Variants in STARD6 observed in about 807,000 individuals in gnomAD.
STARD6 encodes the protein StAR related lipid transfer domain containing 6, also known as stAR-related lipid transfer protein 6.
STARD6 carries 21 observed loss-of-function variants against 22.3 expected under a neutral mutation model. That is an observed-to-expected ratio of 0.94 (90% CI 0.67 to 1.35). The LOEUF (loss-of-function observed/expected upper bound fraction) is 1.35, where lower values mean the gene tolerates loss of function less well. STARD6 is among the 40% of genes most tolerant of loss of function. STARD6 has a pLI of 0.00. For missense variants in STARD6, 269 were observed against 266.9 expected, an observed-to-expected ratio of 1.01 and a Z score of -0.05; for synonymous variants, 80 against 88.1, an observed-to-expected ratio of 0.91 and a Z score of 0.52.
intron 4 of STARD6, among the ~76,000 whole-genome samples, chr18:54,346,788 G>C (rs1356683963): frequency 2.0e-5 from 3 of 152,106 alleles, no homozygotes; most frequent in South Asian, 4.1e-4. Context: ...AAAAGAATTT[G>C]TGAAAGAAGC....
At chr18:54,328,927 G>C (rs915475938) in intron 7 of STARD6, among the ~76,000 whole-genome samples, 4 of 152,014 alleles carry the variant, frequency 2.6e-5, no homozygotes, top group Admixed American at 6.6e-5. Flanking sequence ...GCTCTTAGTA[G>C]GTAGTCCATT....
At chr18:54,353,380 G>T (rs953929943) in intron 4 of STARD6, among the ~76,000 whole-genome samples, 1 of 152,190 alleles carries the variant, frequency 6.6e-6, no homozygotes, top group East Asian at 1.9e-4. Context: ...TTTAAAATGA[G>T]GAAGTAGGCT....
chr18:54,333,398 G>C (rs1306664291), intron 5 of STARD6, among the ~76,000 whole-genome samples: 2 of 152,086 alleles, frequency 1.3e-5, no homozygotes, highest in Admixed American at 1.3e-4. Context: ...GCAGTGAGCC[G>C]AGATTGTGCC....
chr18:54,340,171 T>C (rs1340043029), intron 4 of STARD6, among the ~76,000 whole-genome samples: 1 of 152,136 alleles, frequency 6.6e-6, no homozygotes, highest in African/African-American at 2.4e-5. Flanking sequence ...TTAAGTTCTT[T>C]AAAAGATACT....
intron 3 of STARD6, 134 bp downstream of exon 3, chr18:54,354,350 T>G (rs1042426010): frequency 1.3e-6 from 1 of 762,676 alleles, no homozygotes; most frequent in Admixed American, 2.8e-5. Context: ...TGTGTTAGCC[T>G]CCTGAGTAGC....
intron 4 of STARD6, among the ~76,000 whole-genome samples, chr18:54,338,816 G>A (rs976470835): frequency 2.0e-5 from 3 of 151,828 alleles, no homozygotes; most frequent in African/African-American, 7.3e-5. Context: ...TTGGGAGGCC[G>A]AGGCAGGCAG....
intron 4 of STARD6, among the ~76,000 whole-genome samples, chr18:54,345,421 C>A (rs1303426927): frequency 1.3e-5 from 2 of 152,018 alleles, no homozygotes; most frequent in Non-Finnish European, 2.9e-5. Flanking sequence ...TTGAGAAGCT[C>A]AAAATAAACA....
intron 4 of STARD6, 164 bp downstream of exon 4, chr18:54,353,890 G>A: frequency 2.3e-6 from 1 of 439,712 alleles, no homozygotes; most frequent in Non-Finnish European, 4.0e-6. Context: ...GATGGTATCT[G>A]ATTGCTGTAT....
chr18:54,337,352 AG>A, intron 4 of STARD6, 101 bp from the exon 5 acceptor site: 1 of 1,080,524 alleles, frequency 9.3e-7, no homozygotes, highest in Non-Finnish European at 1.3e-6. Context: ...TTTAGCAAAC[AG>A]CAATGAAGAA....
chr18:54,343,422 GGGTCAGCCCCCTGCCC>G (rs1479308476), intron 4 of STARD6, among the ~76,000 whole-genome samples: 1 of 139,834 alleles, frequency 7.2e-6, no homozygotes, highest in Non-Finnish European at 1.6e-5. Context: ...GGAGGTGGGG[GGGTCAGCCCCCTGCCC>G]GGCCAGCCGC....
intron 7 of STARD6, among the ~76,000 whole-genome samples, chr18:54,328,888 A>G (rs1457866679): frequency 6.6e-6 from 1 of 152,136 alleles, no homozygotes; most frequent in Non-Finnish European, 1.5e-5. Flanking sequence ...ATCTGAATGT[A>G]CCTACTGGAT....
intron 7 of STARD6, among the ~76,000 whole-genome samples, chr18:54,327,802 A>G (rs1039413810): frequency 4.6e-5 from 7 of 151,948 alleles, no homozygotes; most frequent in African/African-American, 1.7e-4. Context: ...TTCTCTATGC[A>G]GGGTTTATAC....
At chr18:54,347,088 T>A (rs2089043667) in intron 4 of STARD6, among the ~76,000 whole-genome samples, 2 of 152,104 alleles carry the variant, frequency 1.3e-5, no homozygotes, top group South Asian at 4.1e-4. Flanking sequence ...TAAAAATGAA[T>A]TAGTTCCACA....
chr18:54,352,049 T>C (rs768495266), intron 4 of STARD6, among the ~76,000 whole-genome samples: 26 of 151,998 alleles, frequency 1.7e-4, no homozygotes, highest in Non-Finnish European at 2.9e-4. Context: ...CTGATAAAAT[T>C]CAGCTGTGAA....
Position 54,343,234 on chromosome 18 carries a change from C to T in STARD6, c.141-5983G>A, listed in dbSNP as rs1261643779. Among the ~76,000 whole-genome samples, 97 of 44,662 alleles carry T rather than the reference C, an allele frequency of 2.2e-3. No homozygotes were observed. The East Asian group carries it at 0.023, about 11-fold the overall frequency. 29.3% of individuals were successfully genotyped at this position (44,662 alleles called of 152,430 possible). ...GAGACCCTCTGCCTGGCAACCACCCCGTCTGAGAAGTGAGGAGCCCCTCCG... is the reference window on the plus strand; with the variant it reads ...GAGACCCTCTGCCTGGCAACCACCCTGTCTGAGAAGTGAGGAGCCCCTCCG... On this transcript the variant is annotated intron_variant, in intron 4 of 7. Transcript: ENST00000307844.
At chr18:54,325,663 TCA>T (rs1178582168) in intron 7 of STARD6, among the ~76,000 whole-genome samples, 1 of 152,060 alleles carries the variant, frequency 6.6e-6, no homozygotes, top group Non-Finnish European at 1.5e-5. Flanking sequence ...TTCTCCAGCC[TCA>T]GTCTTCTGAG....
intron 7 of STARD6, among the ~76,000 whole-genome samples, chr18:54,325,633 G>A (rs1312064124): frequency 1.3e-5 from 2 of 151,598 alleles, no homozygotes; most frequent in Admixed American, 6.6e-5. Context: ...CTGCAGCCTC[G>A]AACTCCTGAA....
rs184123368 is a variant in STARD6 at position 54,330,690 on chromosome 18, G to A, written c.385+1052C>T. ...TTAAAAGCAAATTGAGTAGTGATTT[G>A]TGCACCACGTGGTTGATTACCTCTA... On this transcript the variant is annotated intron_variant, in intron 6 of 7. Transcript: ENST00000307844. Among the ~76,000 whole-genome samples, 14 of 152,168 alleles carry A rather than the reference G, an allele frequency of 9.2e-5. 1 individual carries two copies. In the East Asian group the frequency reaches 2.3e-3, roughly 25 times the overall value.
At chr18:54,354,308 A>C in intron 3 of STARD6, 176 bp downstream of exon 3, 1 of 652,264 alleles carries the variant, frequency 1.5e-6, no homozygotes, top group Non-Finnish European at 2.7e-6. Flanking sequence ...GGTGCATGAC[A>C]GCCTCAAACT....
Sources: allele counts gnomAD v4.1 joint callset (sites outside exome capture counted in the v4.1 genomes callset), GRCh38; gene constraint gnomAD v4.1.1; transcripts MANE v1.5; gene names NCBI Gene and HGNC (gene_info 2026-07-23, HGNC 2026-07-21).